Variants in HIVEP1 observed in about 807,000 individuals in gnomAD.
The protein encoded by HIVEP1 is HIVEP zinc finger 1.
A neutral mutation model predicts 180.0 loss-of-function variants in HIVEP1; 36 were observed. That is an observed-to-expected ratio of 0.20 (90% confidence interval 0.15 to 0.26). The LOEUF is 0.26. HIVEP1 is among the 10% of genes least tolerant of loss of function. The pLI, the probability that HIVEP1 is intolerant of heterozygous loss-of-function variation, is 1.00. For synonymous variants in HIVEP1, 1,239 were observed against 1,239.0 expected, an observed-to-expected ratio of 1.00 and a Z score of 0.00; for missense variants, 3,143 against 3,268.7, an observed-to-expected ratio of 0.96 and a Z score of 0.94.
chr6:12,209,769 G>C, the HIVEP1 span, among the ~76,000 whole-genome samples: 1 of 152,142 alleles, frequency 6.6e-6, no homozygotes, highest in Non-Finnish European at 1.5e-5. Context: ...AATTAATTAT[G>C]TTAATTAATA....
In HIVEP1 at chr6:12,047,489, G is replaced by A. The variant is rs563684546; in HGVS notation, c.40+31821G>A. Among the ~76,000 whole-genome samples the A allele has an allele frequency of 5.6e-4, 86 of 152,352 alleles. No individual in the cohort carries two copies. The Middle Eastern group carries it at 0.01, about 18-fold the overall frequency. ...TGCCTGCATGTGCTGCTACCTCGTG[G>A]TCCCCACGGTGCTGGGAGGGGAGAC... On this transcript the variant is annotated intron_variant, in intron 2 of 8. Coordinates refer to ENST00000379388, the MANE Select transcript of HIVEP1 (RefSeq NM_002114.4).
At chr6:12,161,293 T>A in intron 7 of HIVEP1, 146 bp from the exon 8 acceptor site, 1 of 755,162 alleles carries the variant, frequency 1.3e-6, no homozygotes, top group South Asian at 1.7e-5. Context: ...CCCAGGGCCT[T>A]CTCAGCCAGG....
chr6:12,020,463 C>T (rs1768111512), intron 2 of HIVEP1: 1 of 470,944 alleles, frequency 2.1e-6, no homozygotes, highest in African/African-American at 2.0e-5. Flanking sequence ...GCCATCATTC[C>T]TTACTCATCG....
chr6:12,193,218 T>C, the HIVEP1 span, among the ~76,000 whole-genome samples: 1 of 152,250 alleles, frequency 6.6e-6, no homozygotes, highest in African/African-American at 2.4e-5. Context: ...TTAGTCAATA[T>C]GCTGCCTAAT....
intron 3 of HIVEP1, among the ~76,000 whole-genome samples, chr6:12,110,458 T>G (rs1158078242): frequency 6.6e-6 from 1 of 152,272 alleles, no homozygotes; most frequent in African/African-American, 2.4e-5. Flanking sequence ...TTGCTGCAGC[T>G]TCTACATTAA....
At chr6:12,081,420 TACCTC>T (rs1310673665) in intron 2 of HIVEP1, among the ~76,000 whole-genome samples, 3 of 152,182 alleles carry the variant, frequency 2.0e-5, no homozygotes, top group Non-Finnish European at 2.9e-5. Context: ...CGATGTCTCT[TACCTC>T]AATACAGTGG....
intron 2 of HIVEP1, among the ~76,000 whole-genome samples, chr6:12,069,241 A>G (rs1561909034): frequency 1.3e-5 from 2 of 152,182 alleles, no homozygotes; most frequent in African/African-American, 2.4e-5. Flanking sequence ...ACTGTAGGCA[A>G]TTACAGCACA....
At chr6:12,190,426 A>G in the HIVEP1 span, among the ~76,000 whole-genome samples, 1 of 151,326 alleles carries the variant, frequency 6.6e-6, no homozygotes, top group East Asian at 1.9e-4. Context: ...ACCTCCTCTC[A>G]CTCCGCAGTT....
chr6:12,050,942 GT>G (rs1255404534), intron 2 of HIVEP1, among the ~76,000 whole-genome samples: 2 of 146,008 alleles, frequency 1.4e-5, no homozygotes, highest in African/African-American at 5.0e-5. Flanking sequence ...TGGGTTGGCC[GT>G]TGCTTCCAGG....
chr6:12,060,498 A>C (rs1030821130), intron 2 of HIVEP1, among the ~76,000 whole-genome samples: 3 of 152,238 alleles, frequency 2.0e-5, no homozygotes, highest in Non-Finnish European at 2.9e-5. Flanking sequence ...ATAAATGAGA[A>C]TCTGCAAAAG....
intron 1 of HIVEP1, 127 bp downstream of exon 1, chr6:12,012,693 TGC>T (rs1317777749): frequency 6.7e-6 from 1 of 148,688 alleles, no homozygotes; most frequent in Non-Finnish European, 1.5e-5. Flanking sequence ...TGTGTGTGTG[TGC>T]GTGTGTGTGC....
At chr6:12,100,370 C>A (rs1471701971) in intron 3 of HIVEP1, among the ~76,000 whole-genome samples, 1 of 152,150 alleles carries the variant, frequency 6.6e-6, no homozygotes, top group Non-Finnish European at 1.5e-5. Context: ...TTTCAACCTA[C>A]CGAATGGTTG....
chr6:12,134,728 C>G (rs1758612772), intron 6 of HIVEP1, among the ~76,000 whole-genome samples: 1 of 152,184 alleles, frequency 6.6e-6, no homozygotes, highest in Admixed American at 6.5e-5. Context: ...AGAATATGAG[C>G]TGTTTCCCCT....
At chr6:12,082,574 A>T (rs186944720) in intron 2 of HIVEP1, among the ~76,000 whole-genome samples, 3 of 152,142 alleles carry the variant, frequency 2.0e-5, no homozygotes. Flanking sequence ...ACTGCCAGTT[A>T]TGTAAGAAAG....
intron 7 of HIVEP1, among the ~76,000 whole-genome samples, chr6:12,139,162 T>G (rs1041040095): frequency 6.6e-6 from 1 of 152,068 alleles, no homozygotes; most frequent in Non-Finnish European, 1.5e-5. Context: ...CTGACTCATT[T>G]GGAGCACTGG....
intron 7 of HIVEP1, among the ~76,000 whole-genome samples, chr6:12,160,638 A>C (rs897857467): frequency 1.1e-4 from 17 of 152,208 alleles, no homozygotes; most frequent in Non-Finnish European, 2.1e-4. Context: ...AACAGGAGGC[A>C]GGGGAGGGGG....
rs1759822840 is a variant in HIVEP1 at position 12,153,447 on chromosome 6, G to A, written c.6488-7992G>A. On this transcript the variant is annotated intron_variant, in intron 7 of 8. Transcript: ENST00000379388. ...AAAGTCAACTCCTTAATTAGTCCTT[G>A]TTTGAATTATGATCAAATAGTATTG... 2.6e-5 allele frequency among the ~76,000 whole-genome samples: 4 copies of A among 151,696 alleles called. No homozygotes were observed. The South Asian group carries it at 8.3e-4, about 31-fold the overall frequency.
intron 5 of HIVEP1, among the ~76,000 whole-genome samples, chr6:12,130,150 G>T (rs1466350630): frequency 6.6e-6 from 1 of 152,118 alleles, no homozygotes; most frequent in Non-Finnish European, 1.5e-5. Context: ...GTGAACCTTG[G>T]TTTTCACATT....
chr6:12,088,521 A>AGAACAGCAGGAGT (rs1773250231), intron 2 of HIVEP1, among the ~76,000 whole-genome samples: 1 of 152,160 alleles, frequency 6.6e-6, no homozygotes, highest in Admixed American at 6.6e-5. Flanking sequence ...CCCAGGTCAA[A>AGAACAGCAGGAGT]GAACAGCAGG....
Sources: allele counts gnomAD v4.1 joint callset (sites outside exome capture counted in the v4.1 genomes callset), GRCh38; gene constraint gnomAD v4.1.1; transcripts MANE v1.5; gene names NCBI Gene and HGNC (gene_info 2026-07-23, HGNC 2026-07-21).